Variants in SLC9A9 observed in about 807,000 individuals in gnomAD.
SLC9A9 encodes sodium/hydrogen exchanger 9.
A neutral mutation model predicts 77.8 loss-of-function variants in SLC9A9; 62 were observed. The observed-to-expected ratio is 0.80, with a 90% CI of 0.65 to 0.98. SLC9A9 has a LOEUF of 0.98. SLC9A9 is among the 50% of genes least tolerant of loss of function. The pLI is 0.00. For synonymous variants in SLC9A9, 320 were observed against 283.5 expected, an observed-to-expected ratio of 1.13 and a Z score of -1.29; for missense variants, 775 against 774.9, an observed-to-expected ratio of 1.00 and a Z score of 0.00.
chr3:143,756,346 C>T (rs905995652), intron 4 of SLC9A9, among the ~76,000 whole-genome samples: 1 of 152,152 alleles, frequency 6.6e-6, no homozygotes, highest in Non-Finnish European at 1.5e-5. Flanking sequence ...CAGGCAAAGG[C>T]TTTAGCATGA....
At chr3:143,726,251 G>GAAAAAAAAAA (rs3055626) in intron 4 of SLC9A9, among the ~76,000 whole-genome samples, 1 of 136,920 alleles carries the variant, frequency 7.3e-6, no homozygotes, top group Non-Finnish European at 1.5e-5. Context: ...AATAAAAAAA[G>GAAAAAAAAAA]AAAAAAAAAA....
intron 12 of SLC9A9, among the ~76,000 whole-genome samples, chr3:143,435,518 CA>C (rs1334798160): frequency 1.3e-5 from 2 of 152,116 alleles, no homozygotes; most frequent in Non-Finnish European, 2.9e-5. Flanking sequence ...CTTTACTATT[CA>C]AAAAATTACT....
chr3:143,575,171 T>C (rs1219205619), intron 7 of SLC9A9, among the ~76,000 whole-genome samples: 2 of 152,210 alleles, frequency 1.3e-5, no homozygotes, highest in East Asian at 3.9e-4. Flanking sequence ...TCTACATGAA[T>C]TGACAATGAG....
chr3:143,576,001 T>C (rs775413895), intron 7 of SLC9A9, among the ~76,000 whole-genome samples: 13 of 152,200 alleles, frequency 8.5e-5, no homozygotes, highest in South Asian at 2.1e-4. Flanking sequence ...TTCTTTCAGA[T>C]CTGATGCAAT....
chr3:143,396,282 A>C (rs529626208), intron 12 of SLC9A9, among the ~76,000 whole-genome samples: 10 of 152,360 alleles, frequency 6.6e-5, no homozygotes, highest in African/African-American at 1.9e-4. Flanking sequence ...AAAAATGATG[A>C]GTTCCTGTCC....
At chr3:143,586,621 C>A (rs528611700) in intron 6 of SLC9A9, among the ~76,000 whole-genome samples, 2 of 152,288 alleles carry the variant, frequency 1.3e-5, no homozygotes, top group African/African-American at 4.8e-5. Flanking sequence ...CCTGCCCTTT[C>A]TCAGATAAGT....
intron 12 of SLC9A9, among the ~76,000 whole-genome samples, chr3:143,455,063 T>C (rs1003263111): frequency 6.6e-6 from 1 of 152,198 alleles, no homozygotes; most frequent in African/African-American, 2.4e-5. Context: ...GTTCCAAGGA[T>C]TATGCAAGTC....
intron 12 of SLC9A9, among the ~76,000 whole-genome samples, chr3:143,407,459 T>C (rs767830289): frequency 2.0e-5 from 3 of 152,204 alleles, no homozygotes; most frequent in Admixed American, 1.3e-4. Flanking sequence ...AGAGGAAATA[T>C]GCCATTCTTA....
intron 9 of SLC9A9, among the ~76,000 whole-genome samples, chr3:143,543,139 C>T (rs941214278): frequency 1.3e-5 from 2 of 152,212 alleles, no homozygotes; most frequent in South Asian, 2.1e-4. Context: ...ATCATTATCT[C>T]TATGCCTAAA....
intron 1 of SLC9A9, among the ~76,000 whole-genome samples, chr3:143,839,537 GCA>G (rs2009656199): frequency 1.3e-5 from 2 of 150,886 alleles, no homozygotes; most frequent in East Asian, 1.9e-4. Flanking sequence ...CATCACAAGC[GCA>G]CACATGCACA....
chr3:143,762,236 A>G (rs1364056627), intron 4 of SLC9A9, among the ~76,000 whole-genome samples: 1 of 152,186 alleles, frequency 6.6e-6, no homozygotes, highest in African/African-American at 2.4e-5. Flanking sequence ...GATATACCTA[A>G]TGTAAATGAC....
chr3:143,661,373 C>T (rs896637981), intron 5 of SLC9A9, among the ~76,000 whole-genome samples: 3 of 152,138 alleles, frequency 2.0e-5, no homozygotes, highest in African/African-American at 7.2e-5. Context: ...GTCTCTTCCC[C>T]AAGGCCACGG....
At chr3:143,509,741 T>C (rs963017271) in intron 9 of SLC9A9, among the ~76,000 whole-genome samples, 3 of 152,192 alleles carry the variant, frequency 2.0e-5, no homozygotes, top group African/African-American at 7.2e-5. Context: ...CTCTTGTATA[T>C]GTGTATTTAT....
At chr3:143,702,221 G>T (rs1933823425) in intron 4 of SLC9A9, among the ~76,000 whole-genome samples, 1 of 152,072 alleles carries the variant, frequency 6.6e-6, no homozygotes, top group Non-Finnish European at 1.5e-5. Context: ...ATAATCTGAA[G>T]TTACAAAACT....
At chr3:143,474,068 C>G (rs542742285) in intron 11 of SLC9A9, among the ~76,000 whole-genome samples, 2 of 152,134 alleles carry the variant, frequency 1.3e-5, no homozygotes, top group South Asian at 4.1e-4. Context: ...GACATTTGAG[C>G]AGAGAACCTA....
chr3:143,397,958 G>A (rs1398710170), intron 12 of SLC9A9, among the ~76,000 whole-genome samples: 1 of 152,110 alleles, frequency 6.6e-6, no homozygotes, highest in African/African-American at 2.4e-5. Context: ...ATTTAACCCA[G>A]CCAAAGCAAA....
intron 12 of SLC9A9, among the ~76,000 whole-genome samples, chr3:143,431,503 G>A (rs1327107720): frequency 7.0e-5 from 9 of 128,300 alleles, no homozygotes; most frequent in African/African-American, 2.3e-4. Flanking sequence ...TTTTTTTTGC[G>A]ATGGAGTCTC....
intron 4 of SLC9A9, among the ~76,000 whole-genome samples, chr3:143,700,164 G>T (rs369447368): frequency 6.6e-5 from 10 of 152,056 alleles, no homozygotes; most frequent in East Asian, 1.9e-4. Flanking sequence ...GAGCCCTTGG[G>T]CCCTAAATAA....
chr3:143,663,081 G>A (rs374738629), intron 5 of SLC9A9, among the ~76,000 whole-genome samples: 49 of 152,222 alleles, frequency 3.2e-4, no homozygotes, highest in East Asian at 1.4e-3. Flanking sequence ...CCTCTGAGAC[G>A]AAGCTTCCAG....
Sources: allele counts gnomAD v4.1 joint callset (sites outside exome capture counted in the v4.1 genomes callset), GRCh38; gene constraint gnomAD v4.1.1; transcripts MANE v1.5; gene names NCBI Gene and HGNC (gene_info 2026-07-23, HGNC 2026-07-21).